The following HTR2C variants were observed in gnomAD, a reference collection of about 807,000 sequenced individuals.
The protein encoded by HTR2C is 5-hydroxytryptamine receptor 2C.
In HTR2C, 5 loss-of-function variants were observed where a neutral mutation model predicts 21.0. The observed-to-expected ratio is 0.24, with a 90% CI of 0.12 to 0.50. HTR2C has a LOEUF of 0.50. Ranked by LOEUF, HTR2C falls within the 20% of genes least tolerant of loss-of-function variation. The pLI, the probability that HTR2C is intolerant of heterozygous loss-of-function variation, is 0.98. For synonymous variants in HTR2C, 150 were observed against 145.3 expected, an observed-to-expected ratio of 1.03 and a Z score of -0.23; for missense variants, 271 against 371.2, an observed-to-expected ratio of 0.73 and a Z score of 2.22.
At chrX:114,600,931 GTTTTC>G (rs1398580826) in intron 1 of HTR2C, among the ~76,000 whole-genome samples, 4 of 111,264 alleles carry the variant, frequency 3.6e-5, no homozygotes, top group Non-Finnish European at 7.5e-5. Flanking sequence ...GTATTGAATT[GTTTTC>G]TTTAATTTTT....
At chrX:114,830,588 ATTTT>A (rs1364203404) in intron 4 of HTR2C, among the ~76,000 whole-genome samples, 14 of 107,886 alleles carry the variant, frequency 1.3e-4, no homozygotes, top group Middle Eastern at 4.9e-3. Context: ...GTAACTTTTT[ATTTT>A]TTTATTTATT....
intron 2 of HTR2C, among the ~76,000 whole-genome samples, chrX:114,702,507 T>C (rs1368797340): frequency 9.0e-6 from 1 of 110,509 alleles, no homozygotes; most frequent in Admixed American, 9.7e-5. Flanking sequence ...GACAAGCAAA[T>C]GCTGAGAGAT....
intron 2 of HTR2C, among the ~76,000 whole-genome samples, chrX:114,632,159 A>G (rs1342521034): frequency 8.9e-6 from 1 of 112,568 alleles, no homozygotes; most frequent in African/African-American, 3.2e-5. Context: ...GTACTGTTTT[A>G]CGTGATAAAA....
rs73573339 is a variant in HTR2C at position 114,884,781 on chromosome X, A to C, written c.551-21808A>C. Reference sequence around the variant, plus strand: ...AAAGTATTTTCTAATTTCTCCTTTGATTTATTATTTGTTCCATTAGATATT... The same window carrying C: ...AAAGTATTTTCTAATTTCTCCTTTGCTTTATTATTTGTTCCATTAGATATT... On this transcript the variant is annotated intron_variant, in intron 5 of 5. Transcript: ENST00000276198. 5.8e-3 allele frequency among the ~76,000 whole-genome samples: 646 copies of C among 111,680 alleles called. 3 individuals are homozygous for C. Among genetic ancestry groups the C allele is most frequent in the African/African-American group, 0.02 (621 of 30,842 alleles).
intron 5 of HTR2C, among the ~76,000 whole-genome samples, chrX:114,879,879 G>A (rs781912107): frequency 3.6e-5 from 4 of 110,570 alleles, no homozygotes; most frequent in Admixed American, 9.7e-5. Flanking sequence ...TTGCAATTGC[G>A]AATTGTGCTA....
intron 2 of HTR2C, among the ~76,000 whole-genome samples, chrX:114,726,235 C>T (rs370253671): frequency 2.7e-5 from 3 of 112,667 alleles, no homozygotes; most frequent in East Asian, 2.8e-4. Context: ...TTTTTTAAGC[C>T]TGTTGGAAAA....
chrX:114,802,363 G>T (rs1556447101), intron 4 of HTR2C, among the ~76,000 whole-genome samples: 1 of 111,409 alleles, frequency 9.0e-6, no homozygotes, highest in African/African-American at 3.3e-5. Flanking sequence ...TACTATGATG[G>T]GAAATCATAG....
At chrX:114,879,101 A>G (rs2071160793) in intron 5 of HTR2C, among the ~76,000 whole-genome samples, 1 of 109,372 alleles carries the variant, frequency 9.1e-6, no homozygotes, top group African/African-American at 3.3e-5. Context: ...AATTATATAT[A>G]TTAATTTATC....
intron 2 of HTR2C, among the ~76,000 whole-genome samples, chrX:114,630,051 G>T (rs181750087): frequency 1.2e-3 from 139 of 111,448 alleles, no homozygotes; most frequent in African/African-American, 4.4e-3. Flanking sequence ...AAAAAAAAGA[G>T]GTACATCAAA....
At chrX:114,700,756 C>A (rs1029626829) in intron 2 of HTR2C, among the ~76,000 whole-genome samples, 4 of 112,533 alleles carry the variant, frequency 3.6e-5, no homozygotes, top group Non-Finnish European at 7.5e-5. Flanking sequence ...CACGGCGAGG[C>A]ATTGCCTCAC....
rs909039164 is a variant in HTR2C at position 114,620,323 on chromosome X, C to T, written c.-80+6442C>T. On this transcript the variant is annotated intron_variant, in intron 2 of 5. Transcript: ENST00000276198. ...TTCACTTGCCCTGTTTCATGCAGCA[C>T]GAGGTTCACATTCACATTTTAAGAT... Among the ~76,000 whole-genome samples, 12 of 112,063 alleles carry T rather than the reference C, an allele frequency of 1.1e-4. No homozygotes were observed. In the East Asian group the frequency reaches 1.4e-3, roughly 13 times the overall value.
chrX:114,630,395 A>G (rs1208192025), intron 2 of HTR2C, among the ~76,000 whole-genome samples: 1 of 111,832 alleles, frequency 8.9e-6, no homozygotes, highest in Non-Finnish European at 1.9e-5. Flanking sequence ...GAGTGGGGAG[A>G]TTTTTAGTTA....
chrX:114,620,886 T>C (rs1013325359), intron 2 of HTR2C, among the ~76,000 whole-genome samples: 2 of 111,600 alleles, frequency 1.8e-5, no homozygotes, highest in Non-Finnish European at 3.8e-5. Flanking sequence ...GCATTTTTTT[T>C]TTCTTTTTTT....
chrX:114,794,698 A>G, intron 4 of HTR2C, among the ~76,000 whole-genome samples: 1 of 108,730 alleles, frequency 9.2e-6, no homozygotes, highest in Non-Finnish European at 1.9e-5. Context: ...CCTACGAAGG[A>G]CATGAACTCA....
intron 4 of HTR2C, among the ~76,000 whole-genome samples, chrX:114,818,166 C>G (rs1556455138): frequency 1.8e-5 from 2 of 111,734 alleles, no homozygotes; most frequent in African/African-American, 6.5e-5. Flanking sequence ...AAACAACAAA[C>G]TAGGAATAGA....
chrX:114,861,542 A>T (rs1265184525), intron 5 of HTR2C, among the ~76,000 whole-genome samples: 1 of 111,625 alleles, frequency 9.0e-6, no homozygotes, highest in Non-Finnish European at 1.9e-5. Flanking sequence ...TAATATTTCT[A>T]AAATATTAAT....
In HTR2C at chrX:114,664,951, AT is replaced by A. The variant is rs782557249; in HGVS notation, c.-80+51076del. On this transcript the variant is annotated intron_variant, in intron 2 of 5. Coordinates refer to ENST00000276198, the MANE Select transcript of HTR2C (RefSeq NM_000868.4). ...TGATGTTCATGTAAATTTTTGGTTA[AT>A]TTTTTAACAGCTTGTTTGAGATATC... Among the ~76,000 whole-genome samples the A allele has an allele frequency of 3.8e-4, 43 of 112,212 alleles. No homozygotes were observed. The South Asian group carries it at 0.015, about 40-fold the overall frequency.
chrX:114,806,713 T>G (rs1413755290), intron 4 of HTR2C, among the ~76,000 whole-genome samples: 1 of 94,688 alleles, frequency 1.1e-5, no homozygotes, highest in Non-Finnish European at 2.1e-5. Context: ...ACACACCATA[T>G]AGATATATAC....
Position 114,584,211 on chromosome X carries a change from C to T in HTR2C, c.-595C>T, listed in dbSNP as rs1417901211. ...CTCCATTGGCCTGCCTTGCCCCTTA[C>T]CTGCCGATTGCATATGAACTCTTCT... On this transcript the variant is annotated 5_prime_UTR_variant, in exon 1 of 6. Transcript: ENST00000276198. 8.9e-6 allele frequency: 1 copy of T among 112,855 alleles called. No individual in the cohort carries two copies. The highest frequency in any genetic ancestry group is 1.9e-5 in the Non-Finnish European group (1 of 53,308). The allele number at this position is 112,855 out of a possible 1,213,427, so 9.3% of individuals were successfully genotyped here.
Sources: allele counts gnomAD v4.1 joint callset (sites outside exome capture counted in the v4.1 genomes callset), GRCh38; gene constraint gnomAD v4.1.1; transcripts MANE v1.5; gene names NCBI Gene and HGNC (gene_info 2026-07-23, HGNC 2026-07-21).